Variants in SF3B2 observed in about 807,000 individuals in gnomAD.
SF3B2 encodes the protein splicing factor 3b subunit 2.
SF3B2 carries 22 observed loss-of-function variants against 116.3 expected under a neutral mutation model. The ratio of observed to expected loss-of-function variants is 0.19; its 90% CI spans 0.14 to 0.27. The LOEUF (loss-of-function observed/expected upper bound fraction) is 0.27, where lower values mean the gene tolerates loss of function less well. Ranked by LOEUF, SF3B2 falls within the 10% of genes least tolerant of loss-of-function variation. SF3B2 has a pLI of 1.00. For synonymous variants in SF3B2, 406 were observed against 421.6 expected (o/e 0.96, Z 0.45); for missense variants, 767 against 1,151.4 (o/e 0.67, Z 4.83).
chr11:66,058,385 G>C lies in SF3B2; in HGVS notation c.946G>C (p.Val316Leu). 1 of 1,614,034 alleles carries C rather than the reference G, an allele frequency of 6.2e-7. No individual in the cohort carries two copies. The highest frequency in any genetic ancestry group is 8.5e-7 in the Non-Finnish European group (1 of 1,179,924). Residue 316 changes from valine (V) to leucine (L), a missense_variant, in exon 9 of 22, where the codon GTG (valine) becomes CTG (leucine). Val to Leu is a conservative substitution (Grantham distance 32). Around this residue, in one of 4 missense-constraint regions of SF3B2, gnomAD observed 455 missense variants for 537.5 expected, o/e 0.85. Transcript: ENST00000322535. ...AGCGTCAGAGACTGAGGAGGACACA[G>C]TGTCCGTATCTAAAAAGGAGGTAGG... ...QSASETEEDT[V>L]SVSKKEKNRK...
At chr11:66,055,465 A>G in intron 4 of SF3B2, 70 bp from the exon 5 acceptor site, 2 of 1,604,016 alleles carry the variant, frequency 1.2e-6, no homozygotes, top group South Asian at 1.1e-5. Flanking sequence ...GAGGATCTCA[A>G]GAAGCAAGAG....
At chr11:66,068,576 C>A in intron 21 of SF3B2, 98 bp from the exon 22 acceptor site, 1 of 1,097,146 alleles carries the variant, frequency 9.1e-7, no homozygotes, top group Non-Finnish European at 1.4e-6. Flanking sequence ...GCGCCTTTCC[C>A]ACAGACTTCT....
intron 19 of SF3B2, chr11:66,066,518 C>G (rs1014955721): frequency 2.6e-5 from 4 of 152,086 alleles, no homozygotes; most frequent in African/African-American, 9.7e-5. Flanking sequence ...TTTTTGTATT[C>G]CTGTACATTT....
chr11:66,052,727 T>A lies in SF3B2; in HGVS notation c.180+8T>A, dbSNP rs1211785407. 6.4e-7 allele frequency: 1 copy of A among 1,562,786 alleles called. No individual in the cohort carries two copies. Among genetic ancestry groups the A allele is most frequent in the Admixed American group, 2.0e-5 (1 of 48,998 alleles). On this transcript the variant is annotated splice_region_variant and intron_variant, in intron 2 of 21. Coordinates refer to ENST00000322535, the MANE Select transcript of SF3B2 (RefSeq NM_006842.3). ...CAGAGCTACACCCGCCAGGTAGGTG[T>A]TGGCGGCGGGACGTCAGGATAGGCC... is the stretch of plus-strand genomic sequence containing the variant.
intron 14 of SF3B2, among the ~76,000 whole-genome samples, chr11:66,061,140 A>G (rs946490999): frequency 1.3e-5 from 2 of 152,134 alleles, no homozygotes; most frequent in Non-Finnish European, 2.9e-5. Context: ...CAGCCTTAGA[A>G]TTGCCCATCG....
In SF3B2 at chr11:66,060,826, G is replaced by A. The variant is rs527810235; in HGVS notation, c.1779+95G>A. The A allele has an allele frequency of 2.7e-4, 363 of 1,335,984 alleles. No homozygotes were observed. In the African/African-American group the frequency reaches 4.8e-3, roughly 18 times the overall value. 82.8% of individuals were successfully genotyped at this position (1,335,984 alleles called of 1,614,324 possible). A position where few individuals can be genotyped will look rare whatever the true frequency, so the allele number is the denominator to read the frequency against. On this transcript the variant is annotated intron_variant, in intron 14 of 21. Coordinates refer to ENST00000322535, the MANE Select transcript of SF3B2 (RefSeq NM_006842.3). ...TGTTTGTTTGTTTAAAAAAGATGGA[G>A]TCTCACCCTGTTATCCAGGCTGGAG... is the stretch of plus-strand genomic sequence containing the variant.
intron 13 of SF3B2, 118 bp from the exon 14 acceptor site, chr11:66,060,464 T>C: frequency 8.2e-7 from 1 of 1,215,054 alleles, no homozygotes; most frequent in Non-Finnish European, 1.2e-6. Flanking sequence ...AGGATTTTGA[T>C]GACTTTCAGG....
intron 2 of SF3B2, 127 bp downstream of exon 2, chr11:66,052,846 G>T (rs774304687): frequency 4.7e-6 from 6 of 1,284,924 alleles, no homozygotes; most frequent in Non-Finnish European, 5.4e-6. Flanking sequence ...GCCCTTTTTA[G>T]CTTGTTCTTG....
At chr11:66,058,798 C>G in intron 9 of SF3B2, 32 bp from the exon 10 acceptor site, 1 of 1,587,266 alleles carries the variant, frequency 6.3e-7, no homozygotes, top group South Asian at 1.1e-5. Flanking sequence ...GCTTGGATTC[C>G]CTGACCCAGC....
At chr11:66,061,561 A>G (rs765796327) in intron 14 of SF3B2, 125 bp from the exon 15 acceptor site, 4 of 735,740 alleles carry the variant, frequency 5.4e-6, no homozygotes, top group Non-Finnish European at 7.2e-6. Context: ...CCAGGGAAAG[A>G]AGTGATGAGA....
chr11:66,060,470 T>C (rs1857082840), intron 13 of SF3B2, 112 bp from the exon 14 acceptor site: 1 of 1,298,738 alleles, frequency 7.7e-7, no homozygotes, highest in South Asian at 1.4e-5. Context: ...TTGATGACTT[T>C]CAGGGTGAGA....
In SF3B2 at chr11:66,058,064, C is replaced by G. The variant is rs775568977; in HGVS notation, c.788C>G (p.Pro263Arg). 6.2e-7 allele frequency: 1 copy of G among 1,609,502 alleles called. No individual in the cohort carries two copies. The highest frequency in any genetic ancestry group is 1.7e-5 in the Admixed American group (1 of 59,214). The change falls in exon 8 of 22, where the codon CCC becomes CGC. Residue 263 changes from proline to arginine, a missense_variant. Around this residue, in one of 4 missense-constraint regions of SF3B2, gnomAD observed 455 missense variants for 537.5 expected, o/e 0.85. Coordinates refer to ENST00000322535, the MANE Select transcript of SF3B2 (RefSeq NM_006842.3). ...GGGTGTCTCTGGCAGATGGATGACCCCTCTGTGGGCCCCAAGATCCCCCAG... is the reference window on the plus strand; with the variant it reads ...GGGTGTCTCTGGCAGATGGATGACCGCTCTGTGGGCCCCAAGATCCCCCAG... The part of the protein sequence containing the change: ...PGDENREMDD[P>R]SVGPKIPQAL...
intron 21 of SF3B2, 26 bp from the exon 22 acceptor site, chr11:66,068,648 A>G (rs1296197024): frequency 2.5e-6 from 4 of 1,611,280 alleles, no homozygotes; most frequent in Non-Finnish European, 3.4e-6. Flanking sequence ...ACCTGTCTTA[A>G]CCTGTGTCTC....
chr11:66,059,004 C>T lies in SF3B2; in HGVS notation c.1141C>T (p.Pro381Ser). Residue 381 changes from proline to serine, a missense_variant, in exon 10 of 22, where the codon CCC (proline) becomes TCC (serine). Physicochemically the swap from Pro to Ser is moderately conservative, Grantham distance 74 (BLOSUM62 -1). Coordinates refer to ENST00000322535, the MANE Select transcript of SF3B2 (RefSeq NM_006842.3). This position sits in a 1 kb window ranked among gnomAD's most constrained non-coding sequence, Gnocchi z 5.0. ...YVTEEPEIYE[P>S]NFIFFKRIFE... ...GACTGAAGAACCTGAAATTTACGAG[C>T]CCAACTTTATCTTCTTTAAGAGGAT... 1.9e-6 allele frequency: 3 copies of T among 1,614,054 alleles called. No homozygotes were observed. Among genetic ancestry groups the T allele is most frequent in the Non-Finnish European group, 2.5e-6 (3 of 1,180,012 alleles).
rs988727736 is a variant in SF3B2 at position 66,057,265 on chromosome 11, G to A, written c.668-1G>A. ...TTGGATTTCTTTTTCCCGTCTCTTA[G>A]TAGCTGCTCCAGTGGGCCCAGTGGG... is the stretch of plus-strand genomic sequence containing the variant. On this transcript the variant is annotated splice_acceptor_variant, in intron 6 of 21. Transcript: ENST00000322535. LOFTEE classifies it high-confidence loss of function. 12 of 1,578,750 alleles carry A rather than the reference G, an allele frequency of 7.6e-6. No individual in the cohort carries two copies. Among genetic ancestry groups the A allele is most frequent in the Non-Finnish European group, 1.0e-5 (12 of 1,147,780 alleles).
intron 17 of SF3B2, 119 bp downstream of exon 17, chr11:66,063,235 C>T: frequency 1.0e-6 from 1 of 991,628 alleles, no homozygotes; most frequent in Admixed American, 2.5e-5. Flanking sequence ...TGGAAAAGGG[C>T]ATACATTTTC....
Position 66,059,638 on chromosome 11 carries a change from G to A in SF3B2, c.1401+43G>A. The A allele has an allele frequency of 6.3e-7, 1 of 1,599,894 alleles. No homozygotes were observed. The highest frequency in any genetic ancestry group is 1.1e-5 in the South Asian group (1 of 90,810). On this transcript the variant is annotated intron_variant, in intron 12 of 21. Transcript: ENST00000322535. This position sits in a 1 kb window ranked among gnomAD's most constrained non-coding sequence, Gnocchi z 5.0. ...CCTGCAGGCCCTGGAGCCCAGCTGG[G>A]AGACCACCTGGGGAGCCAGGGAGGT...
intron 3 of SF3B2, among the ~76,000 whole-genome samples, chr11:66,054,706 TG>T (rs1332120939): frequency 1.3e-5 from 2 of 152,204 alleles, no homozygotes; most frequent in Admixed American, 6.5e-5. Flanking sequence ...TCAATTTCCA[TG>T]TTCCTTCTGA....
intron 16 of SF3B2, among the ~76,000 whole-genome samples, chr11:66,062,369 C>T (rs1424591409): frequency 1.3e-5 from 2 of 151,504 alleles, no homozygotes; most frequent in Admixed American, 6.6e-5. Flanking sequence ...GATGTGGTGT[C>T]TCAACACCTG....
Sources: gnomAD v4.1 joint callset for allele counts (sites outside exome capture counted in the v4.1 genomes callset) on GRCh38, gnomAD v4.1.1 for gene constraint, gnomAD v4.1.1 regional missense constraint, Gnocchi (gnomAD v3.1) non-coding constraint, MANE v1.5 for transcripts, NCBI Gene and HGNC (gene_info 2026-07-23, HGNC 2026-07-21) for gene names.